ANKRD33B: variants seen among roughly 807,000 people sequenced by gnomAD.
The protein encoded by ANKRD33B is ankyrin repeat domain-containing protein 33B.
A neutral mutation model predicts 21.5 loss-of-function variants in ANKRD33B; 6 were observed. The ratio of observed to expected loss-of-function variants is 0.28; its 90% CI spans 0.15 to 0.55. The LOEUF (loss-of-function observed/expected upper bound fraction) is 0.55, where lower values mean the gene tolerates loss of function less well. Among genes scored for constraint, ANKRD33B ranks in the 20% least tolerant of loss-of-function variants. ANKRD33B has a pLI of 0.94. For missense variants in ANKRD33B, 698 were observed against 747.2 expected (o/e 0.93, Z 0.77); for synonymous variants, 347 against 342.4 (o/e 1.01, Z -0.15).
intron 3 of ANKRD33B, among the ~76,000 whole-genome samples, chr5:10,644,528 A>G (rs935068285): frequency 5.3e-5 from 8 of 152,208 alleles, no homozygotes; most frequent in African/African-American, 1.9e-4. Flanking sequence ...AAGCAGCAAT[A>G]ACCTCAAATC....
chr5:10,604,404 G>T lies in ANKRD33B; in HGVS notation c.367-13929G>T, dbSNP rs770609602. ...GATGGGGTTTCGCCATGTCGACCAG[G>T]CTGGTCTCGATCCCCTGACCTCAAG... On this transcript the variant is annotated intron_variant, in intron 1 of 3. Transcript: ENST00000296657. Among the ~76,000 whole-genome samples, 4 of 149,136 alleles carry T rather than the reference G, an allele frequency of 2.7e-5. No homozygotes were observed. The East Asian group carries it at 7.8e-4, about 29-fold the overall frequency.
intron 1 of ANKRD33B, among the ~76,000 whole-genome samples, chr5:10,612,647 ATC>A (rs1159878660): frequency 3.9e-5 from 6 of 152,222 alleles, no homozygotes; most frequent in African/African-American, 1.4e-4. Flanking sequence ...CAGGGAATCC[ATC>A]TCTCTTGCGC....
intron 2 of ANKRD33B, among the ~76,000 whole-genome samples, chr5:10,621,106 T>C (rs916284962): frequency 2.0e-5 from 3 of 152,218 alleles, no homozygotes; most frequent in African/African-American, 7.2e-5. Flanking sequence ...CCCAGCCAGT[T>C]GGTAACCCTG....
intron 1 of ANKRD33B, among the ~76,000 whole-genome samples, chr5:10,570,921 TGTC>T (rs1560959146): frequency 7.4e-6 from 1 of 135,732 alleles, no homozygotes; most frequent in African/African-American, 2.7e-5. Context: ...TTTTTTTTTT[TGTC>T]AATTAGGACT....
At position 10,567,793 on chromosome 5, in the gene ANKRD33B, C is replaced by T. The variant is rs184221437; in HGVS notation, c.366+2960C>T. Among the ~76,000 whole-genome samples the T allele has an allele frequency of 1.3e-3, 196 of 152,282 alleles. 1 individual carries two copies. The highest frequency in any genetic ancestry group is 4.4e-3 in the African/African-American group (182 of 41,550). ...TGTGCAAAGACTGAGGTGGGAACCT[C>T]GTTGGAGCCTGGTCTCCAAGCTTAT... On this transcript the variant is annotated intron_variant, in intron 1 of 3. Transcript: ENST00000296657.
rs143135990 is a variant in ANKRD33B, at chr5:10,591,360, T to A, written c.366+26527T>A. Among the ~76,000 whole-genome samples the A allele has an allele frequency of 7.9e-3, 1,206 of 151,916 alleles. 19 individuals are homozygous for A. The highest frequency in any genetic ancestry group is 0.027 in the African/African-American group (1,130 of 41,450). On this transcript the variant is annotated intron_variant, in intron 1 of 3. Coordinates refer to ENST00000296657, the MANE Select transcript of ANKRD33B (RefSeq NM_001164440.2). Reference sequence around the variant, plus strand: ...GGTGCGTGCCACCATGCCTGGCTAATTTTTTTTGTACTTTTGGTAGAGACA... The same window carrying A: ...GGTGCGTGCCACCATGCCTGGCTAAATTTTTTTGTACTTTTGGTAGAGACA...
chr5:10,649,336 C>T lies in ANKRD33B; in HGVS notation c.708C>T (p.Arg236=), dbSNP rs745634884. ...SPQEWATYTG[R]VDAVRLMQRL... ...AGGAGTGGGCCACTTACACGGGCCG[C>T]GTGGATGCCGTCCGTCTCATGCAGA... Residue 236 remains arginine, a synonymous_variant, in exon 4 of 4, where the codon CGC becomes CGT. Transcript: ENST00000296657. 1.4e-5 allele frequency: 22 copies of T among 1,534,936 alleles called. No individual in the cohort carries two copies. In the South Asian group the frequency reaches 2.4e-4, roughly 17 times the overall value.
chr5:10,600,144 T>C (rs546212340), intron 1 of ANKRD33B, among the ~76,000 whole-genome samples: 1 of 152,392 alleles, frequency 6.6e-6, no homozygotes, highest in South Asian at 2.1e-4. Context: ...AGCATTTGTA[T>C]GTCTGCATAG....
chr5:10,646,937 G>T (rs1737200581), intron 3 of ANKRD33B, among the ~76,000 whole-genome samples: 1 of 152,218 alleles, frequency 6.6e-6, no homozygotes, highest in South Asian at 2.1e-4. Context: ...CCTCAGTTCA[G>T]CACACGTTGA....
chr5:10,634,235 TGAG>T (rs1240659443), intron 2 of ANKRD33B, among the ~76,000 whole-genome samples: 2 of 152,348 alleles, frequency 1.3e-5, no homozygotes, highest in East Asian at 3.9e-4. Flanking sequence ...TCTTCAGTAC[TGAG>T]CTCATTGTCT....
At position 10,650,225 on chromosome 5, in the gene ANKRD33B, A is replaced by T; in HGVS notation, c.*112A>T. ...GCATCGCACCACTTCCGCTCCATGG[A>T]CCACGGGGCTGCGCGCATTTCCAGG... On this transcript the variant is annotated 3_prime_UTR_variant, in exon 4 of 4. Transcript: ENST00000296657. 8.6e-7 allele frequency: 1 copy of T among 1,163,842 alleles called. No individual in the cohort carries two copies. 72.1% of individuals were successfully genotyped at this position (1,163,842 alleles called of 1,614,324 possible).
chr5:10,644,747 T>C (rs1373810562), intron 3 of ANKRD33B, among the ~76,000 whole-genome samples: 1 of 152,240 alleles, frequency 6.6e-6, no homozygotes, highest in African/African-American at 2.4e-5. Flanking sequence ...ATTTGCCATG[T>C]AGAATTGTTT....
intron 1 of ANKRD33B, among the ~76,000 whole-genome samples, chr5:10,589,928 G>A (rs771035616): frequency 3.4e-5 from 5 of 148,312 alleles, no homozygotes; most frequent in Non-Finnish European, 7.4e-5. Context: ...TGTATGTTAT[G>A]CTTTTCTTCC....
chr5:10,637,924 C>T, intron 2 of ANKRD33B, 104 bp from the exon 3 acceptor site: 1 of 1,339,926 alleles, frequency 7.5e-7, no homozygotes, highest in Non-Finnish European at 1.0e-6. Context: ...ACCGGCTGGC[C>T]CAGGGCTGAC....
At chr5:10,637,460 A>ACG (rs1182401611) in intron 2 of ANKRD33B, among the ~76,000 whole-genome samples, 1 of 127,928 alleles carries the variant, frequency 7.8e-6, no homozygotes, top group African/African-American at 2.8e-5. Flanking sequence ...ACACACACAC[A>ACG]CACGGCGGCG....
At chr5:10,643,875 C>T (rs1274356436) in intron 3 of ANKRD33B, among the ~76,000 whole-genome samples, 1 of 149,006 alleles carries the variant, frequency 6.7e-6, no homozygotes. Flanking sequence ...AACTTTTGAG[C>T]TGCCCTCTTA....
chr5:10,578,052 A>T (rs892572943), intron 1 of ANKRD33B, among the ~76,000 whole-genome samples: 5 of 152,138 alleles, frequency 3.3e-5, no homozygotes, highest in Non-Finnish European at 2.9e-5. Context: ...TGTCACCTAT[A>T]TGTCCTCTGT....
intron 1 of ANKRD33B, 86 bp from the exon 2 acceptor site, chr5:10,618,247 G>T (rs527262370): frequency 6.3e-4 from 946 of 1,510,224 alleles, no homozygotes; most frequent in Non-Finnish European, 7.7e-4. Context: ...CCCCTGGAGG[G>T]TAGTGGGTGC....
intron 2 of ANKRD33B, among the ~76,000 whole-genome samples, chr5:10,625,775 T>C (rs1453084304): frequency 3.9e-5 from 6 of 152,196 alleles, no homozygotes; most frequent in African/African-American, 1.4e-4. Context: ...CAGGTGGGCT[T>C]TTGAGTTAAT....
Sources: allele counts gnomAD v4.1 joint callset (sites outside exome capture counted in the v4.1 genomes callset), GRCh38; gene constraint gnomAD v4.1.1; transcripts MANE v1.5; gene names NCBI Gene and HGNC (gene_info 2026-07-23, HGNC 2026-07-21).